The following ERC1 variants were observed in gnomAD, a reference collection of about 807,000 sequenced individuals.
ERC1 encodes ELKS/RAB6-interacting/CAST family member 1.
A neutral mutation model predicts 132.0 loss-of-function variants in ERC1; 56 were observed. The ratio of observed to expected loss-of-function variants is 0.42; its 90% CI spans 0.34 to 0.53. The LOEUF (loss-of-function observed/expected upper bound fraction) is 0.53, where lower values mean the gene tolerates loss of function less well. Among genes scored for constraint, ERC1 ranks in the 20% least tolerant of loss-of-function variants. ERC1 has a pLI of 0.03. For synonymous variants in ERC1, 478 were observed against 476.1 expected (o/e 1.00, Z -0.05); for missense variants, 1,202 against 1,349.9 (o/e 0.89, Z 1.72).
At chr12:1,328,940 T>A (rs1234669752) in intron 15 of ERC1, among the ~76,000 whole-genome samples, 1 of 136,612 alleles carries the variant, frequency 7.3e-6, no homozygotes, top group Non-Finnish European at 1.6e-5. Context: ...TTGGAACTTT[T>A]TAGAGGTGAT....
chr12:993,961 C>A (rs1354465080), intron 1 of ERC1, among the ~76,000 whole-genome samples: 1 of 149,454 alleles, frequency 6.7e-6, no homozygotes, highest in Non-Finnish European at 1.5e-5. Flanking sequence ...CCCAGCTACT[C>A]AGGAAGCTGA....
In ERC1 at chr12:1,463,723, G is replaced by GTGTGTGTC. The variant is rs1408438476; in HGVS notation, c.3213+18980_3213+18981insCTGTGTGT. ...TGTGTGTGTGTGTGTGTGTGTGTGT[G>GTGTGTGTC]TGTGTGTGTCTTGACAAACTGATGA... On this transcript the variant is annotated intron_variant, in intron 18 of 18. Transcript: ENST00000360905. 1.4e-4 allele frequency among the ~76,000 whole-genome samples: 21 copies of GTGTGTGTC among 151,996 alleles called. No homozygotes were observed. The East Asian group carries it at 3.9e-3, about 28-fold the overall frequency.
At chr12:1,280,891 A>C (rs1387293497) in intron 14 of ERC1, among the ~76,000 whole-genome samples, 1 of 152,182 alleles carries the variant, frequency 6.6e-6, no homozygotes, top group African/African-American at 2.4e-5. Context: ...AGTAAGTGTC[A>C]TTTTATTTGC....
intron 12 of ERC1, among the ~76,000 whole-genome samples, chr12:1,229,523 T>G (rs1325053291): frequency 6.6e-6 from 1 of 152,166 alleles, no homozygotes; most frequent in Non-Finnish European, 1.5e-5. Flanking sequence ...ATTTTGTTGT[T>G]GTTGTTGTTT....
intron 17 of ERC1, among the ~76,000 whole-genome samples, chr12:1,412,543 G>A (rs529987228): frequency 2.3e-4 from 35 of 152,284 alleles, no homozygotes; most frequent in African/African-American, 7.7e-4. Context: ...GACAAGGTAC[G>A]TCATTGCGCT....
At chr12:1,231,551 C>T (rs563877573) in intron 12 of ERC1, among the ~76,000 whole-genome samples, 16 of 152,206 alleles carry the variant, frequency 1.1e-4, no homozygotes, top group African/African-American at 3.6e-4. Context: ...TATTTAGTGT[C>T]CTTTAGTTTC....
At position 1,400,916 on chromosome 12, in the gene ERC1, A is replaced by ATTTTTTTTT. The variant is rs869202443; in HGVS notation, c.2926-7204_2926-7196dup. On this transcript the variant is annotated intron_variant, in intron 16 of 18. Coordinates refer to ENST00000360905, the MANE Select transcript of ERC1 (RefSeq NM_178040.4). ...TCAATATTGTTTTGGCTATTTTTGT[A>ATTTTTTTTT]TTTTTTTTTTTTTTTTTTTTTTTTT... Among the ~76,000 whole-genome samples the ATTTTTTTTT allele has an allele frequency of 4.6e-4, 7 of 15,056 alleles. 1 individual carries two copies. Among genetic ancestry groups the ATTTTTTTTT allele is most frequent in the Non-Finnish European group, 6.6e-4 (6 of 9,120 alleles). 9.9% of individuals were successfully genotyped at this position (15,056 alleles called of 152,430 possible).
intron 3 of ERC1, among the ~76,000 whole-genome samples, chr12:1,104,248 C>T (rs978320223): frequency 6.6e-6 from 1 of 152,002 alleles, no homozygotes; most frequent in Non-Finnish European, 1.5e-5. Flanking sequence ...CGAGCTTCAT[C>T]GTAGGTAACC....
intron 11 of ERC1, among the ~76,000 whole-genome samples, chr12:1,186,199 A>G (rs1237117099): frequency 6.6e-6 from 1 of 152,224 alleles, no homozygotes; most frequent in Admixed American, 6.5e-5. Flanking sequence ...AAACCATTTT[A>G]AGGGACTAAA....
Position 1,493,717 on chromosome 12 carries a change from C to G in ERC1, c.*3487C>G, listed in dbSNP as rs1443576810. 4.8e-6 allele frequency: 1 copy of G among 209,302 alleles called. No individual in the cohort carries two copies. The highest frequency in any genetic ancestry group is 1.9e-4 in the South Asian group (1 of 5,226). The allele number at this position is 209,302 out of a possible 1,614,324, so 13.0% of individuals were successfully genotyped here. On this transcript the variant is annotated 3_prime_UTR_variant, in exon 19 of 19. Transcript: ENST00000360905. ...AATAACTTGTAAAGCAGACTGGACC[C>G]AAGGCCGCCTTCAGTGTCAAGAAGG...
chr12:1,457,533 A>C (rs1405125691), intron 18 of ERC1, among the ~76,000 whole-genome samples: 1 of 152,188 alleles, frequency 6.6e-6, no homozygotes, highest in Non-Finnish European at 1.5e-5. Context: ...TCAAATATCT[A>C]ATATATTATT....
rs2094323811 is a variant in ERC1, at chr12:1,492,166, C to G, written c.*1936C>G. The G allele has an allele frequency of 4.3e-6, 1 of 232,898 alleles. No homozygotes were observed. The highest frequency in any genetic ancestry group is 8.5e-6 in the Non-Finnish European group (1 of 117,884). The allele number at this position is 232,898 out of a possible 1,614,324, so 14.4% of individuals were successfully genotyped here. A position where few individuals can be genotyped will look rare whatever the true frequency, so the allele number is the denominator to read the frequency against. ...CGTTTCTTATCGAAGGTTAAATGGACTCTGCTCATAAACCTCTTACTGAGA... is the reference window on the plus strand; with the variant it reads ...CGTTTCTTATCGAAGGTTAAATGGAGTCTGCTCATAAACCTCTTACTGAGA... On this transcript the variant is annotated 3_prime_UTR_variant, in exon 19 of 19. Coordinates refer to ENST00000360905, the MANE Select transcript of ERC1 (RefSeq NM_178040.4).
chr12:1,387,524 T>A (rs2089506501), intron 16 of ERC1, among the ~76,000 whole-genome samples: 1 of 152,176 alleles, frequency 6.6e-6, no homozygotes, highest in Non-Finnish European at 1.5e-5. Flanking sequence ...CAAGAAGAGA[T>A]CATTCTTGAT....
chr12:1,273,167 A>T (rs1279965489), intron 14 of ERC1, among the ~76,000 whole-genome samples: 1 of 152,206 alleles, frequency 6.6e-6, no homozygotes, highest in East Asian at 1.9e-4. Flanking sequence ...TCCTAGAAGC[A>T]GGAAGATACG....
At chr12:1,446,695 C>T (rs1051194496) in intron 18 of ERC1, among the ~76,000 whole-genome samples, 3 of 152,268 alleles carry the variant, frequency 2.0e-5, no homozygotes, top group African/African-American at 7.2e-5. Flanking sequence ...CTTACTTTCC[C>T]GTGATGTGGA....
At chr12:1,350,117 T>TA (rs1159874389) in intron 15 of ERC1, among the ~76,000 whole-genome samples, 1 of 152,198 alleles carries the variant, frequency 6.6e-6, no homozygotes, top group African/African-American at 2.4e-5. Flanking sequence ...CCTCAGTGGG[T>TA]AAGTGAAGTC....
chr12:1,367,142 A>C (rs1273114257), intron 15 of ERC1, among the ~76,000 whole-genome samples: 1 of 152,174 alleles, frequency 6.6e-6, no homozygotes, highest in African/African-American at 2.4e-5. Context: ...GTAGTTTACT[A>C]CTCACTCTGG....
At chr12:1,242,448 G>A (rs1183409610) in intron 13 of ERC1, among the ~76,000 whole-genome samples, 1 of 151,992 alleles carries the variant, frequency 6.6e-6, no homozygotes, top group Non-Finnish European at 1.5e-5. Context: ...CTAATATCCA[G>A]ATTACAACCA....
At chr12:1,160,343 A>AT (rs1393667211) in intron 8 of ERC1, among the ~76,000 whole-genome samples, 8 of 151,736 alleles carry the variant, frequency 5.3e-5, no homozygotes, top group African/African-American at 1.9e-4. Flanking sequence ...TGCCTGTAGA[A>AT]TTTTTTTTTG....
Sources: allele counts gnomAD v4.1 joint callset (sites outside exome capture counted in the v4.1 genomes callset), GRCh38; gene constraint gnomAD v4.1.1; transcripts MANE v1.5; gene names NCBI Gene and HGNC (gene_info 2026-07-23, HGNC 2026-07-21).